Variants in ENO4 observed in about 807,000 individuals in gnomAD.
ENO4 encodes enolase 4.
Under a neutral mutation model 63.2 loss-of-function variants are expected in ENO4, and 53 were observed. The ratio of observed to expected loss-of-function variants is 0.84; its 90% CI spans 0.67 to 1.05. ENO4 has a LOEUF of 1.05. ENO4 is among the 50% of genes least tolerant of loss of function. The pLI is 0.00. For missense variants in ENO4, 719 were observed against 772.0 expected (o/e 0.93, Z 0.81); for synonymous variants, 266 against 283.8 (o/e 0.94, Z 0.63).
rs533497575 is a variant in ENO4, at chr10:116,892,719, T to C, written c.1194+12733T>C. Reference sequence around the variant, plus strand: ...TTTCATAGAGCTATATAATAAAGAATATTACAAATGAAATGTGTTTATTGG... The same window carrying C: ...TTTCATAGAGCTATATAATAAAGAACATTACAAATGAAATGTGTTTATTGG... On this transcript the variant is annotated intron_variant, in intron 10 of 10. Coordinates refer to the ENO4 transcript ENST00000369207. Among the ~76,000 whole-genome samples, 4 of 152,338 alleles carry C rather than the reference T, an allele frequency of 2.6e-5. No homozygotes were observed. In the South Asian group the frequency reaches 8.3e-4, roughly 32 times the overall value.
At chr10:116,873,939 C>T in intron 9 of ENO4, 137 bp from the exon 10 acceptor site, 2 of 1,324,004 alleles carry the variant, frequency 1.5e-6, no homozygotes, top group Admixed American at 6.1e-5. Context: ...ACAGATTTCT[C>T]AGGTCAACGT....
At chr10:116,906,213 G>C (rs371713885) in intron 10 of ENO4, among the ~76,000 whole-genome samples, 10 of 152,292 alleles carry the variant, frequency 6.6e-5, no homozygotes, top group Middle Eastern at 3.4e-3. Context: ...TCATTATATA[G>C]ATGAAGAAAC....
At chr10:116,906,823 AT>A in intron 10 of ENO4, 1 of 1,198,826 alleles carries the variant, frequency 8.3e-7, no homozygotes, top group Non-Finnish European at 1.1e-6. Flanking sequence ...AAATCAAACC[AT>A]GAAAACATTA....
At chr10:116,902,893 T>C (rs1847802937) in intron 10 of ENO4, among the ~76,000 whole-genome samples, 1 of 152,196 alleles carries the variant, frequency 6.6e-6, no homozygotes, top group African/African-American at 2.4e-5. Context: ...AAAGCACTAG[T>C]GGGTATAATC....
At chr10:116,868,430 A>G (rs1846601445) in intron 7 of ENO4, 1 of 675,994 alleles carries the variant, frequency 1.5e-6, no homozygotes, top group Non-Finnish European at 2.7e-6. Flanking sequence ...GGATGAACTA[A>G]AGGAAACACA....
chr10:116,869,589 C>G (rs1846636052), intron 8 of ENO4, among the ~76,000 whole-genome samples: 1 of 152,094 alleles, frequency 6.6e-6, no homozygotes, highest in Admixed American at 6.5e-5. Flanking sequence ...AAAATCCTGT[C>G]AACAGTTTGT....
At chr10:116,875,880 C>A (rs980123083) in intron 10 of ENO4, among the ~76,000 whole-genome samples, 185 bp from the exon 11 acceptor site, 3 of 152,200 alleles carry the variant, frequency 2.0e-5, no homozygotes, top group Admixed American at 6.5e-5. Context: ...CTATTAGTTT[C>A]TGTTTCCCAA....
At chr10:116,904,650 T>C (rs1847889535) in intron 10 of ENO4, among the ~76,000 whole-genome samples, 1 of 152,192 alleles carries the variant, frequency 6.6e-6, no homozygotes, top group South Asian at 2.1e-4. Context: ...ATATAATACA[T>C]TAAGTGAAAA....
chr10:116,879,548 G>A (rs954672806), intron 12 of ENO4, among the ~76,000 whole-genome samples, 190 bp downstream of exon 12: 2 of 152,152 alleles, frequency 1.3e-5, no homozygotes, highest in African/African-American at 4.8e-5. Flanking sequence ...GAAGTCCAGG[G>A]AAAATGATGA....
intron 1 of ENO4, 78 bp from the exon 2 acceptor site, chr10:116,855,545 G>A: frequency 6.6e-7 from 1 of 1,503,838 alleles, no homozygotes; most frequent in Non-Finnish European, 8.9e-7. Context: ...TGAAGATAAA[G>A]TAGATATGGT....
chr10:116,879,189 A>G (rs1021316338), intron 11 of ENO4, 102 bp from the exon 12 acceptor site: 9 of 747,532 alleles, frequency 1.2e-5, no homozygotes, highest in Non-Finnish European at 1.9e-5. Flanking sequence ...GACTCTTCAC[A>G]GGGAAGTTTT....
intron 6 of ENO4, 136 bp downstream of exon 6, chr10:116,861,326 A>G (rs1015480354): frequency 1.5e-5 from 4 of 263,426 alleles, no homozygotes; most frequent in Non-Finnish European, 2.6e-5. Flanking sequence ...TTAGGAAATC[A>G]GAGAAGTGGG....
At chr10:116,866,476 G>T (rs1429377610) in intron 7 of ENO4, among the ~76,000 whole-genome samples, 1 of 152,328 alleles carries the variant, frequency 6.6e-6, no homozygotes. Flanking sequence ...CTGCCACGGT[G>T]AGCCTCTTAC....
At chr10:116,911,490 T>C (rs1348217205) in intron 10 of ENO4, 1 of 1,550,472 alleles carries the variant, frequency 6.4e-7, no homozygotes, top group Non-Finnish European at 8.7e-7. Context: ...GACCCTTACA[T>C]ATGGCCAGCC....
chr10:116,902,492 A>G (rs1435599273), intron 10 of ENO4, among the ~76,000 whole-genome samples: 1 of 152,226 alleles, frequency 6.6e-6, no homozygotes, highest in Non-Finnish European at 1.5e-5. Flanking sequence ...CAGACACAAA[A>G]TCATAAAAAT....
In ENO4 at chr10:116,855,605, CTT is replaced by C. The variant is rs2133247000; in HGVS notation, c.166-15_166-14del. 1 of 1,535,806 alleles carries C rather than the reference CTT, an allele frequency of 6.5e-7. No individual in the cohort carries two copies. The highest frequency in any genetic ancestry group is 8.7e-7 in the Non-Finnish European group (1 of 1,146,770). ...CAACTTGAACCAGATGATTTTTGTT[CTT>C]TTGTGTGTGTTGAAGGCAAACTGCT... On this transcript the variant is annotated splice_polypyrimidine_tract_variant and intron_variant, in intron 1 of 13. Coordinates refer to ENST00000341276, the MANE Select transcript of ENO4 (RefSeq NM_001242699.2).
Position 116,860,858 on chromosome 10 carries a change from T to C in ENO4, c.699T>C (p.Ser233=), listed in dbSNP as rs891998711. 3.9e-6 allele frequency: 6 copies of C among 1,549,342 alleles called. No homozygotes were observed. The African/African-American group carries it at 8.2e-5, about 21-fold the overall frequency. ...CAGAGCCTGTTGAGCCTGTACTCAG[T>C]GGCAGTATGGCCATAGGGGCCGTGT... ...APAEPVEPVL[S]GSMAIGAVSL... The change falls in exon 5 of 14, where the codon AGT becomes AGC. Residue 233 remains serine, a synonymous_variant. Transcript: ENST00000341276.
At position 116,849,648 on chromosome 10, in the gene ENO4, CG is replaced by C. The variant is rs368456269; in HGVS notation, c.85del (p.Glu29ArgfsTer43). 1.9e-3 allele frequency: 2,950 copies of C among 1,550,242 alleles called. 3 individuals are homozygous for C. Among genetic ancestry groups the C allele is most frequent in the Non-Finnish European group, 2.4e-3 (2,756 of 1,146,822 alleles). ...GAAGCAGCAGGCGATGGAGTACTAC[CG>C]GGAGAACGACGTTCCGCGCAGGCTG... ...KLKQQAMEYY[R>X]ENDVPRRLEE... On this transcript the variant is annotated frameshift_variant, in exon 1 of 14. Coordinates refer to ENST00000341276, the MANE Select transcript of ENO4 (RefSeq NM_001242699.2). LOFTEE classifies it high-confidence loss of function.
intron 10 of ENO4, among the ~76,000 whole-genome samples, chr10:116,907,320 A>T (rs754704927): frequency 6.6e-6 from 1 of 152,192 alleles, no homozygotes; most frequent in South Asian, 2.1e-4. Flanking sequence ...GTATGAAAGG[A>T]AAGTTATAAT....
Sources: gnomAD v4.1 joint callset for allele counts (sites outside exome capture counted in the v4.1 genomes callset) on GRCh38, gnomAD v4.1.1 for gene constraint, MANE v1.5 for transcripts, NCBI Gene and HGNC (gene_info 2026-07-23, HGNC 2026-07-21) for gene names.